The following PID1 variants were observed in gnomAD, a reference collection of about 807,000 sequenced individuals.
The protein encoded by PID1 is phosphotyrosine interaction domain containing 1.
PID1 carries 10 observed loss-of-function variants against 19.1 expected under a neutral mutation model. The ratio of observed to expected loss-of-function variants is 0.52; its 90% CI spans 0.32 to 0.89. The LOEUF is 0.89. Ranked by LOEUF, PID1 falls within the 40% of genes least tolerant of loss-of-function variation. The pLI is 0.03. For missense variants in PID1, 248 were observed against 285.3 expected (o/e 0.87, Z 0.94); for synonymous variants, 130 against 116.0 (o/e 1.12, Z -0.78).
intron 1 of PID1, among the ~76,000 whole-genome samples, chr2:229,236,965 G>T (rs1264860085): frequency 6.9e-6 from 1 of 144,450 alleles, no homozygotes; most frequent in East Asian, 2.0e-4. Flanking sequence ...CCTAGCATGC[G>T]GCCTTCTCCT....
chr2:229,058,435 A>T (rs1165430767), intron 2 of PID1, among the ~76,000 whole-genome samples: 1 of 152,206 alleles, frequency 6.6e-6, no homozygotes, highest in Admixed American at 6.5e-5. Flanking sequence ...TTACACCTAG[A>T]GTGGAGACAC....
chr2:229,203,077 G>A (rs114178750), intron 1 of PID1, among the ~76,000 whole-genome samples: 1,957 of 152,098 alleles, frequency 0.013, 49 homozygotes, highest in African/African-American at 0.045. Context: ...TTGGGGTACC[G>A]GTTACAAAAG....
chr2:229,151,690 C>A (rs1690256668), intron 2 of PID1, among the ~76,000 whole-genome samples: 1 of 151,874 alleles, frequency 6.6e-6, no homozygotes, highest in Admixed American at 6.6e-5. Flanking sequence ...CCTGCCTCAA[C>A]CTCCCGAGTA....
At chr2:229,067,717 C>T (rs544487426) in intron 2 of PID1, among the ~76,000 whole-genome samples, 1 of 152,262 alleles carries the variant, frequency 6.6e-6, no homozygotes, top group East Asian at 1.9e-4. Context: ...CCCAGCATGG[C>T]AAATAAGACC....
At position 229,155,861 on chromosome 2, in the gene PID1, G is replaced by A. The variant is rs775417884; in HGVS notation, c.134C>T (p.Thr45Met). Residue 45 changes from threonine to methionine, a missense_variant, in exon 2 of 3, where the codon ACG becomes ATG. Transcript: ENST00000392055. Reference protein sequence around the residue: ...FHEPEAIELCTTTPLMKTRTH... With the variant: ...FHEPEAIELCMTTPLMKTRTH... ...CCTTGTCTTCATCAGCGGTGTGGTC[G>A]TGCACAGCTCAATGGCCTCCGGCTC... The A allele has an allele frequency of 1.1e-5, 18 of 1,613,664 alleles. No homozygotes were observed. Among genetic ancestry groups the A allele is most frequent in the East Asian group, 6.7e-5 (3 of 44,880 alleles).
chr2:229,264,966 T>C lies in PID1; in HGVS notation c.30+6048A>G, dbSNP rs1690554087. On this transcript the variant is annotated intron_variant, in intron 1 of 2. Transcript: ENST00000392055. The stretch of plus-strand genomic sequence containing the variant: ...GACCAACCATAACAACATTAAGAAG[T>C]GCTTCTGTTTATTGAGCACCTACTA... Among the ~76,000 whole-genome samples the C allele has an allele frequency of 3.3e-5, 5 of 152,158 alleles. No individual in the cohort carries two copies. In the South Asian group the frequency reaches 1.0e-3, roughly 32 times the overall value.
At chr2:229,105,082 A>G (rs6436839) in intron 2 of PID1, among the ~76,000 whole-genome samples, 45,386 of 152,170 alleles carry the variant, frequency 0.3, 6,939 homozygotes, top group East Asian at 0.36. Context: ...TGTGAAACAA[A>G]GATTTTTTAT....
intron 2 of PID1, among the ~76,000 whole-genome samples, chr2:229,138,116 T>C (rs1449670462): frequency 6.6e-6 from 1 of 152,094 alleles, no homozygotes; most frequent in African/African-American, 2.4e-5. Context: ...CCCTAGGCGA[T>C]AAATAACAGC....
At chr2:229,078,655 T>C (rs1259478543) in intron 2 of PID1, among the ~76,000 whole-genome samples, 2 of 152,234 alleles carry the variant, frequency 1.3e-5, no homozygotes, top group East Asian at 3.8e-4. Flanking sequence ...GAGATAATCA[T>C]GTGGTTTTTG....
intron 2 of PID1, among the ~76,000 whole-genome samples, chr2:229,139,676 A>T (rs1689970482): frequency 6.6e-6 from 1 of 152,118 alleles, no homozygotes; most frequent in African/African-American, 2.4e-5. Flanking sequence ...ACTGGCTGCT[A>T]GTTGTCAATA....
Position 229,271,093 on chromosome 2 carries a change from G to A in PID1, c.-50C>T. The A allele has an allele frequency of 2.0e-6, 3 of 1,532,592 alleles. No homozygotes were observed. Among genetic ancestry groups the A allele is most frequent in the Non-Finnish European group, 8.8e-7 (1 of 1,137,214 alleles). 94.9% of individuals were successfully genotyped at this position (1,532,592 alleles called of 1,614,324 possible). Reference sequence around the variant, plus strand: ...GGAGACGCTGGCGAGACTGTCGATCGCGCCGGGGGGCGAGGGGCTGGGGTC... The same window carrying A: ...GGAGACGCTGGCGAGACTGTCGATCACGCCGGGGGGCGAGGGGCTGGGGTC... On this transcript the variant is annotated 5_prime_UTR_variant, in exon 1 of 3. Transcript: ENST00000392055.
At chr2:229,026,979 A>G (rs1693437253) in intron 2 of PID1, among the ~76,000 whole-genome samples, 1 of 152,242 alleles carries the variant, frequency 6.6e-6, no homozygotes, top group Non-Finnish European at 1.5e-5. Flanking sequence ...CATAGGCATT[A>G]TGGAAAGGCA....
intron 1 of PID1, among the ~76,000 whole-genome samples, chr2:229,201,558 G>A (rs556286266): frequency 5.3e-5 from 8 of 151,950 alleles, no homozygotes; most frequent in Non-Finnish European, 1.5e-5. Flanking sequence ...CCATGCTTTG[G>A]CTATTGTAAA....
intron 2 of PID1, among the ~76,000 whole-genome samples, chr2:229,060,728 C>T (rs913167743): frequency 6.6e-6 from 1 of 152,036 alleles, no homozygotes; most frequent in African/African-American, 2.4e-5. Flanking sequence ...AACTTATATT[C>T]CCACCAACAG....
chr2:229,136,354 G>C (rs951593942), intron 2 of PID1, among the ~76,000 whole-genome samples: 2 of 152,034 alleles, frequency 1.3e-5, no homozygotes, highest in African/African-American at 4.8e-5. Context: ...CCGAGACACA[G>C]GTGGTCAGAT....
intron 1 of PID1, among the ~76,000 whole-genome samples, chr2:229,221,051 T>A (rs1229117230): frequency 6.6e-6 from 1 of 152,200 alleles, no homozygotes; most frequent in African/African-American, 2.4e-5. Flanking sequence ...CTTGTATTGC[T>A]GTTTAACTGC....
At chr2:229,030,432 T>C (rs1485043535) in intron 2 of PID1, among the ~76,000 whole-genome samples, 9 of 152,142 alleles carry the variant, frequency 5.9e-5, no homozygotes, top group Admixed American at 5.9e-4. Flanking sequence ...GTATGTATTT[T>C]ACCAAAATAA....
intron 2 of PID1, among the ~76,000 whole-genome samples, chr2:229,077,570 A>G (rs1015591246): frequency 2.0e-5 from 3 of 152,194 alleles, no homozygotes; most frequent in African/African-American, 7.2e-5. Context: ...TATAAGGTGT[A>G]AGGAAGGGGT....
At chr2:229,209,832 TA>T (rs1229493790) in intron 1 of PID1, among the ~76,000 whole-genome samples, 1 of 152,170 alleles carries the variant, frequency 6.6e-6, no homozygotes, top group Admixed American at 6.5e-5. Flanking sequence ...GGTTCATTTT[TA>T]TTTGTCAATT....
Sources: gnomAD v4.1 joint callset for allele counts (sites outside exome capture counted in the v4.1 genomes callset) on GRCh38, gnomAD v4.1.1 for gene constraint, MANE v1.5 for transcripts, NCBI Gene and HGNC (gene_info 2026-07-23, HGNC 2026-07-21) for gene names.